Variants in ZNF43 observed in about 807,000 individuals in gnomAD.
ZNF43 encodes zinc finger protein 43, also known as zinc finger protein 39-like 1 (KOX 27).
A neutral mutation model predicts 68.4 loss-of-function variants in ZNF43; 44 were observed. That is an observed-to-expected ratio of 0.64 (90% confidence interval 0.51 to 0.83). The LOEUF (loss-of-function observed/expected upper bound fraction) is 0.83. ZNF43 is among the 40% of genes least tolerant of loss of function. The probability of loss-of-function intolerance (pLI) is 0.00; values close to 1 mark genes in which losing one functional copy is unlikely to be tolerated. For synonymous variants in ZNF43, 308 were observed against 307.8 expected (o/e 1.00, Z -0.01); for missense variants, 896 against 933.2 (o/e 0.96, Z 0.52).
intron 3 of ZNF43, among the ~76,000 whole-genome samples, chr19:21,817,044 C>A (rs942155350): frequency 5.9e-5 from 9 of 151,998 alleles, no homozygotes; most frequent in Non-Finnish European, 1.3e-4. Flanking sequence ...AGTCTGAGAC[C>A]AACCTGGCCA....
At chr19:21,824,921 T>A (rs1043733976) in intron 1 of ZNF43, among the ~76,000 whole-genome samples, 1 of 151,622 alleles carries the variant, frequency 6.6e-6, no homozygotes, top group African/African-American at 2.4e-5. Flanking sequence ...GGGCAGAGAG[T>A]GGACTGGTAC....
chr19:21,847,434 C>A (rs34388517), intron 1 of ZNF43, among the ~76,000 whole-genome samples: 5,190 of 152,240 alleles, frequency 0.034, 314 homozygotes, highest in African/African-American at 0.12. Context: ...CGGTGGCTCA[C>A]ACCTATAATC....
rs1222445830 is a variant in ZNF43 at position 21,805,805 on chromosome 19, T to A, written c.*1802A>T. 6.6e-6 allele frequency: 1 copy of A among 152,132 alleles called. No individual in the cohort carries two copies. The highest frequency in any genetic ancestry group is 1.5e-5 in the Non-Finnish European group (1 of 68,022). 9.4% of individuals were successfully genotyped at this position (152,132 alleles called of 1,614,324 possible). A position where few individuals can be genotyped will look rare whatever the true frequency, so the allele number is the denominator to read the frequency against. On this transcript the variant is annotated 3_prime_UTR_variant, in exon 4 of 4. Coordinates refer to ENST00000354959, the MANE Select transcript of ZNF43 (RefSeq NM_003423.4). ...GTTGAAAGCCACTGGTGAAATAGATTAATAGAAATGTTAGTCCATTATGTT... is the reference window on the plus strand; with the variant it reads ...GTTGAAAGCCACTGGTGAAATAGATAAATAGAAATGTTAGTCCATTATGTT...
intron 3 of ZNF43, among the ~76,000 whole-genome samples, chr19:21,816,030 C>T (rs1440080948): frequency 6.7e-6 from 1 of 150,004 alleles, no homozygotes; most frequent in African/African-American, 2.5e-5. Flanking sequence ...CATTGCACTC[C>T]AGCCTGGGCA....
intron 1 of ZNF43, among the ~76,000 whole-genome samples, chr19:21,842,722 A>G (rs1967629816): frequency 1.3e-5 from 2 of 152,176 alleles, no homozygotes; most frequent in African/African-American, 4.8e-5. Context: ...AGATCCTGAG[A>G]AAAGTGGTAT....
intron 3 of ZNF43, among the ~76,000 whole-genome samples, chr19:21,817,010 G>C (rs1469313244): frequency 6.6e-6 from 1 of 152,078 alleles, no homozygotes; most frequent in Non-Finnish European, 1.5e-5. Context: ...GAAGGCCGAG[G>C]CAGACAGATC....
At chr19:21,838,228 T>C (rs1967252537), upstream of ZNF43, among the ~76,000 whole-genome samples, 1 of 152,184 alleles carries the variant, frequency 6.6e-6, no homozygotes, top group South Asian at 2.1e-4. Context: ...CAGATTTGCC[T>C]GACATAGTTC....
intron 1 of ZNF43, among the ~76,000 whole-genome samples, chr19:21,824,113 G>T (rs899287906): frequency 6.6e-6 from 1 of 152,096 alleles, no homozygotes; most frequent in Admixed American, 6.5e-5. Context: ...ATGAACCCGG[G>T]AGGCGGAGCT....
chr19:21,840,913 G>A (rs369537502), upstream of ZNF43: 2 of 152,314 alleles, frequency 1.3e-5, no homozygotes, highest in African/African-American at 2.4e-5. Flanking sequence ...ACCTGCCTAT[G>A]AGCTAGGTTT....
At position 21,808,481 on chromosome 19, in the gene ZNF43, A is replaced by G. The variant is rs1483601380; in HGVS notation, c.1556T>C (p.Phe519Ser). Residue 519 changes from phenylalanine to serine, a missense_variant, in exon 4 of 4, where the codon TTT (phenylalanine) becomes TCT (serine). Physicochemically the swap from Phe to Ser is radical, Grantham distance 155. Transcript: ENST00000354959. ...PYKCEECGKA[F>S]KWSSKLTEHK... ...TTCAGTAAGCTTTGAGGACCACTTA[A>G]AAGCTTTGCCACATTCTTCACATTT... 1.9e-6 allele frequency: 3 copies of G among 1,613,356 alleles called. No individual in the cohort carries two copies. The highest frequency in any genetic ancestry group is 3.3e-5 in the Admixed American group (2 of 59,984).
At chr19:21,828,113 A>C (rs948683999) in intron 1 of ZNF43, among the ~76,000 whole-genome samples, 1 of 152,186 alleles carries the variant, frequency 6.6e-6, no homozygotes, top group Admixed American at 6.6e-5. Flanking sequence ...TGTCAGACTA[A>C]TATCTATTGT....
chr19:21,829,334 C>T (rs991617233), intron 1 of ZNF43, among the ~76,000 whole-genome samples: 1 of 152,270 alleles, frequency 6.6e-6, no homozygotes, highest in East Asian at 1.9e-4. Context: ...CTTCAGCCTG[C>T]AAATATTAGA....
chr19:21,850,949 T>C (rs1272128859), intron 1 of ZNF43: 1 of 152,230 alleles, frequency 6.6e-6, no homozygotes, highest in Admixed American at 6.5e-5. Context: ...TGCAGGAAAG[T>C]CCAGGAATGA....
chr19:21,844,347 CAA>C (rs57500822), intron 1 of ZNF43, among the ~76,000 whole-genome samples: 35 of 43,154 alleles, frequency 8.1e-4, no homozygotes, highest in Middle Eastern at 0.014. Flanking sequence ...GACTCTGTCT[CAA>C]AAAAAAAAAA....
intron 1 of ZNF43, among the ~76,000 whole-genome samples, chr19:21,850,142 G>C (rs975492599): frequency 1.3e-5 from 2 of 151,532 alleles, no homozygotes; most frequent in African/African-American, 4.8e-5. Context: ...GCCCAGGCAG[G>C]AGAGACACAT....
At chr19:21,841,316 C>T (rs750253243) in intron 1 of ZNF43, 63 of 152,140 alleles carry the variant, frequency 4.1e-4, no homozygotes, top group Non-Finnish European at 6.9e-4. Flanking sequence ...CATGCTGAGT[C>T]GGAAATATGT....
rs1448852452 is a variant in ZNF43, at chr19:21,805,028, C to A, written c.*2579G>T. On this transcript the variant is annotated 3_prime_UTR_variant, in exon 4 of 4. Transcript: ENST00000354959. ...ATTAAAATGACCCTGTAGTCAATAACAATTTAATTGTACATTAAAATAATG... is the reference window on the plus strand; with the variant it reads ...ATTAAAATGACCCTGTAGTCAATAAAAATTTAATTGTACATTAAAATAATG... The A allele has an allele frequency of 6.6e-6, 1 of 152,042 alleles. No homozygotes were observed. Among genetic ancestry groups the A allele is most frequent in the Non-Finnish European group, 1.5e-5 (1 of 68,006 alleles). 9.4% of individuals were successfully genotyped at this position (152,042 alleles called of 1,614,324 possible). A position where few individuals can be genotyped will look rare whatever the true frequency, so the allele number is the denominator to read the frequency against.
chr19:21,819,472 A>G (rs1173120502), intron 1 of ZNF43, among the ~76,000 whole-genome samples: 1 of 152,232 alleles, frequency 6.6e-6, no homozygotes, highest in African/African-American at 2.4e-5. Context: ...TCTGGATGAT[A>G]AACTGTAAAA....
upstream of ZNF43, chr19:21,838,071 T>C (rs1967243167): frequency 6.6e-6 from 1 of 152,184 alleles, no homozygotes; most frequent in Admixed American, 6.5e-5. Context: ...CAATCAGATG[T>C]GCATTTGTCT....
Sources: allele counts gnomAD v4.1 joint callset (sites outside exome capture counted in the v4.1 genomes callset), GRCh38; gene constraint gnomAD v4.1.1; transcripts MANE v1.5; gene names NCBI Gene and HGNC (gene_info 2026-07-23, HGNC 2026-07-21).